BMP1: variants seen among roughly 807,000 people sequenced by gnomAD.
BMP1 encodes the protein bone morphogenetic protein 1, also known as mammalian tolloid protein.
Under a neutral mutation model 116.8 loss-of-function variants are expected in BMP1, and 63 were observed. That is an observed-to-expected ratio of 0.54 (90% confidence interval 0.44 to 0.67). BMP1 has a LOEUF of 0.67. Ranked by LOEUF, BMP1 falls within the 30% of genes least tolerant of loss-of-function variation. The probability of loss-of-function intolerance (pLI) is 0.00; values close to 1 mark genes in which losing one functional copy is unlikely to be tolerated. For missense variants in BMP1, 1,183 were observed against 1,358.9 expected (o/e 0.87, Z 2.04); for synonymous variants, 536 against 533.4 (o/e 1.00, Z -0.07).
At chr8:22,210,980 C>G (rs539556870) in intron 19 of BMP1, among the ~76,000 whole-genome samples, 3 of 152,364 alleles carry the variant, frequency 2.0e-5, no homozygotes, top group African/African-American at 7.2e-5. Flanking sequence ...GAGGGCTGAC[C>G]TCACTCAGTA....
rs190457402 is a variant in BMP1, at chr8:22,178,496, G to A, written c.836+539G>A. On this transcript the variant is annotated intron_variant, in intron 6 of 19. Coordinates refer to ENST00000306385, the MANE Select transcript of BMP1 (RefSeq NM_006129.5). ...TCACTATATTGCCCAGGCTGGTCTC[G>A]AACTCCTGGGCTGAAGGGATCCTCC... Among the ~76,000 whole-genome samples, 64 of 152,062 alleles carry A rather than the reference G, an allele frequency of 4.2e-4. No homozygotes were observed. The East Asian group carries it at 0.011, about 27-fold the overall frequency.
chr8:22,199,122 C>G (rs1265715523), intron 15 of BMP1: 3 of 1,367,638 alleles, frequency 2.2e-6, no homozygotes, highest in Non-Finnish European at 2.9e-6. Context: ...CACCCTCAGC[C>G]CTGCACGGAG....
intron 19 of BMP1, among the ~76,000 whole-genome samples, chr8:22,210,468 T>TCTCTCTCTCTCTCTCA (rs10664439): frequency 7.4e-6 from 1 of 135,500 alleles, no homozygotes; most frequent in African/African-American, 3.0e-5. Context: ...TCTCTCTCTC[T>TCTCTCTCTCTCTCTCA]CACACACATA....
At chr8:22,186,160 C>A (rs1223360063) in intron 8 of BMP1, among the ~76,000 whole-genome samples, 1 of 152,162 alleles carries the variant, frequency 6.6e-6, no homozygotes. Context: ...AATACCTTCC[C>A]CGACTTCCAC....
chr8:22,207,871 T>A (rs1829392979), intron 18 of BMP1, among the ~76,000 whole-genome samples: 1 of 152,018 alleles, frequency 6.6e-6, no homozygotes, highest in Non-Finnish European at 1.5e-5. Flanking sequence ...TTTATTTTTT[T>A]ATTTTTATTT....
chr8:22,202,420 AAGGGCCCCAAGC>A (rs1213956445), intron 16 of BMP1, among the ~76,000 whole-genome samples: 1 of 152,208 alleles, frequency 6.6e-6, no homozygotes, highest in Non-Finnish European at 1.5e-5. Flanking sequence ...TGGGAGCTTG[AAGGGCCCCAAGC>A]AGGGCCTGGC....
chr8:22,165,851 G>A (rs1216489217), intron 1 of BMP1, among the ~76,000 whole-genome samples: 2 of 149,620 alleles, frequency 1.3e-5, no homozygotes, highest in African/African-American at 4.9e-5. Context: ...TCCTTCTGTA[G>A]GAAACTTTTC....
At chr8:22,173,796 G>A (rs1828352399) in intron 2 of BMP1, 81 bp downstream of exon 2, 2 of 1,168,416 alleles carry the variant, frequency 1.7e-6, no homozygotes, top group Non-Finnish European at 2.4e-6. Flanking sequence ...CCTGTTCCCA[G>A]CCAGGCCCTC....
At chr8:22,171,625 A>C (rs146893914) in intron 1 of BMP1, 1 of 152,294 alleles carries the variant, frequency 6.6e-6, no homozygotes, top group East Asian at 1.9e-4. Flanking sequence ...ATGTATTTAC[A>C]GTAGGGGTTC....
Position 22,206,967 on chromosome 8 carries a change from C to T in BMP1, c.2347C>T (p.His783Tyr), listed in dbSNP as rs1472054511. The change falls in exon 17 of 20, where the codon CAC becomes TAC. Residue 783 changes from histidine (H) to tyrosine (Y), a missense_variant. Coordinates refer to ENST00000306385, the MANE Select transcript of BMP1 (RefSeq NM_006129.5). Reference sequence around the variant, plus strand: ...GTGGGCCATCTCCAGCACCCCCGGGCACCGGGTCAAGCTGGTAAGGGGTCC... The same window carrying T: ...GTGGGCCATCTCCAGCACCCCCGGGTACCGGGTCAAGCTGGTAAGGGGTCC... ...CTWAISSTPG[H>Y]RVKLTFMEMD... The T allele has an allele frequency of 6.2e-7, 1 of 1,614,072 alleles. No individual in the cohort carries two copies.
In BMP1 at chr8:22,207,500, G is replaced by A; in HGVS notation, c.2559G>A (p.Gln853=). The A allele has an allele frequency of 6.2e-7, 1 of 1,613,440 alleles. No individual in the cohort carries two copies. Among genetic ancestry groups the A allele is most frequent in the Non-Finnish European group, 8.5e-7 (1 of 1,180,012 alleles). The change falls in exon 18 of 20, where the codon CAG becomes CAA. Residue 853 remains glutamine (Q), a synonymous_variant. Coordinates refer to ENST00000306385, the MANE Select transcript of BMP1 (RefSeq NM_006129.5). ...ACTCGGTCCAGCGAAAGGGCTTCCA[G>A]GCCTCCCACGCCACAGGTACTGTCC... The part of the protein sequence containing the change: ...SDNSVQRKGF[Q]ASHATECGGQ...
chr8:22,169,227 G>C (rs1005040585), intron 1 of BMP1: 2 of 152,102 alleles, frequency 1.3e-5, no homozygotes, highest in Admixed American at 1.3e-4. Flanking sequence ...GAGATCTGGG[G>C]AGAAGATATT....
In BMP1 at chr8:22,209,453, G is replaced by T. The variant is rs746634889; in HGVS notation, c.2584G>T (p.Gly862Cys). Residue 862 changes from glycine (G) to cysteine (C), a missense_variant, in exon 19 of 20, where the codon GGC becomes TGC. By Grantham distance (159) the Gly-to-Cys change is radical. This residue lies in a region of BMP1 where 956 missense variants were observed against 1,135.2 expected (regional missense o/e 0.84). Coordinates refer to ENST00000306385, the MANE Select transcript of BMP1 (RefSeq NM_006129.5). Reference sequence around the variant, plus strand: ...CCTCTTGTCCCCTACAGAGTGCGGGGGCCAGGTACGGGCAGACGTGAAGAC... The same window carrying T: ...CCTCTTGTCCCCTACAGAGTGCGGGTGCCAGGTACGGGCAGACGTGAAGAC... ...FQASHATECG[G>C]QVRADVKTKD... 8 of 1,614,036 alleles carry T rather than the reference G, an allele frequency of 5.0e-6. No homozygotes were observed. In the South Asian group the frequency reaches 5.5e-5, roughly 11 times the overall value.
rs755751201 is a variant in BMP1 at position 22,194,676 on chromosome 8, G to A, written c.1444-48G>A. ...CCTCTCTTTGGGCTCCCAGGGGTGG[G>A]TCTCTGGCAGCCAGAGCCCCTTCCA... On this transcript the variant is annotated intron_variant, in intron 11 of 19. Coordinates refer to ENST00000306385, the MANE Select transcript of BMP1 (RefSeq NM_006129.5). This position sits in a 1 kb window ranked among gnomAD's most constrained non-coding sequence, Gnocchi z 4.5. The A allele has an allele frequency of 6.3e-7, 1 of 1,593,104 alleles. No homozygotes were observed. Among genetic ancestry groups the A allele is most frequent in the South Asian group, 1.1e-5 (1 of 87,986 alleles).
In BMP1 at chr8:22,206,989, G is replaced by T; in HGVS notation, c.2361+8G>T. On this transcript the variant is annotated splice_region_variant and intron_variant, in intron 17 of 19. Transcript: ENST00000306385. ...GGGCACCGGGTCAAGCTGGTAAGGG[G>T]TCCCCTCCCCACTCCTTATGCGGTG... 1 of 1,613,960 alleles carries T rather than the reference G, an allele frequency of 6.2e-7. No individual in the cohort carries two copies. Among genetic ancestry groups the T allele is most frequent in the Non-Finnish European group, 8.5e-7 (1 of 1,179,922 alleles).
At chr8:22,176,883 CGGCAG>C in intron 4 of BMP1, 73 bp from the exon 5 acceptor site, 1 of 1,322,856 alleles carries the variant, frequency 7.6e-7, no homozygotes, top group Non-Finnish European at 1.0e-6. Flanking sequence ...GCCCCGCCCC[CGGCAG>C]CCTGGCCCCG....
At position 22,211,961 on chromosome 8, in the gene BMP1, A is replaced by C. The variant is rs1457224178; in HGVS notation, c.*233A>C. 2 of 603,482 alleles carry C rather than the reference A, an allele frequency of 3.3e-6. No individual in the cohort carries two copies. Among genetic ancestry groups the C allele is most frequent in the Admixed American group, 3.0e-5 (1 of 33,138 alleles). 37.4% of individuals were successfully genotyped at this position (603,482 alleles called of 1,614,324 possible). ...GCTGGGGCCAGGGAGCAGAGCTTCC[A>C]CAAGACATTTCGAAGTCATCATTCC... On this transcript the variant is annotated 3_prime_UTR_variant, in exon 20 of 20. Coordinates refer to ENST00000306385, the MANE Select transcript of BMP1 (RefSeq NM_006129.5).
At chr8:22,182,530 A>G (rs1244178548) in intron 8 of BMP1, among the ~76,000 whole-genome samples, 2 of 152,234 alleles carry the variant, frequency 1.3e-5, no homozygotes, top group Admixed American at 6.5e-5. Flanking sequence ...GAAGTGTTTC[A>G]TAAATGCTGA....
chr8:22,199,889 T>C (rs933026000), intron 15 of BMP1, among the ~76,000 whole-genome samples: 2 of 152,164 alleles, frequency 1.3e-5, no homozygotes, highest in African/African-American at 4.8e-5. Flanking sequence ...CTGGTTCCCA[T>C]GGCCCCTAGG....
Sources: gnomAD v4.1 joint callset for allele counts (sites outside exome capture counted in the v4.1 genomes callset) on GRCh38, gnomAD v4.1.1 for gene constraint, gnomAD v4.1.1 regional missense constraint, Gnocchi (gnomAD v3.1) non-coding constraint, MANE v1.5 for transcripts, NCBI Gene and HGNC (gene_info 2026-07-23, HGNC 2026-07-21) for gene names.